CDC42BPA: variants seen among roughly 807,000 people sequenced by gnomAD.
CDC42BPA encodes CDC42 binding protein kinase alpha, also known as serine/threonine-protein kinase MRCK alpha.
In CDC42BPA, 80 loss-of-function variants were observed where a neutral mutation model predicts 223.5. The observed-to-expected ratio is 0.36, with a 90% CI of 0.30 to 0.43. CDC42BPA has a LOEUF of 0.43. CDC42BPA is among the 20% of genes least tolerant of loss of function. CDC42BPA has a pLI of 1.00. For synonymous variants in CDC42BPA, 694 were observed against 718.6 expected (o/e 0.97, Z 0.55); for missense variants, 1,743 against 2,099.9 (o/e 0.83, Z 3.32).
At chr1:227,154,483 T>C (rs1297489349) in intron 6 of CDC42BPA, among the ~76,000 whole-genome samples, 2 of 151,960 alleles carry the variant, frequency 1.3e-5, no homozygotes, top group East Asian at 1.9e-4. Context: ...TCTAGAAGAA[T>C]CTATAAACTA....
At chr1:227,219,480 T>C (rs1329904067) in intron 2 of CDC42BPA, 2 of 152,232 alleles carry the variant, frequency 1.3e-5, no homozygotes, top group Non-Finnish European at 2.9e-5. Flanking sequence ...AATTGAGTTG[T>C]AGAGAGAAGG....
intron 1 of CDC42BPA, among the ~76,000 whole-genome samples, chr1:227,254,730 A>T (rs1682757633): frequency 1.3e-5 from 2 of 152,348 alleles, no homozygotes; most frequent in East Asian, 3.9e-4. Flanking sequence ...ATATATGCAG[A>T]CACAAAATTT....
chr1:227,277,438 C>A (rs1481621235), intron 1 of CDC42BPA, among the ~76,000 whole-genome samples: 1 of 152,154 alleles, frequency 6.6e-6, no homozygotes, highest in African/African-American at 2.4e-5. Context: ...TTAAAACTTA[C>A]AAGGACAGTA....
intron 1 of CDC42BPA, among the ~76,000 whole-genome samples, chr1:227,290,828 T>C (rs1689568992): frequency 6.6e-6 from 1 of 152,164 alleles, no homozygotes; most frequent in Non-Finnish European, 1.5e-5. Context: ...AAGGTGTTAG[T>C]TACAGGTGGT....
At chr1:227,239,435 A>G (rs1679649539) in intron 2 of CDC42BPA, among the ~76,000 whole-genome samples, 1 of 152,182 alleles carries the variant, frequency 6.6e-6, no homozygotes, top group Non-Finnish European at 1.5e-5. Flanking sequence ...TAATAATAAT[A>G]TGTCAATGTA....
At chr1:227,202,050 C>G (rs1278640580) in intron 3 of CDC42BPA, among the ~76,000 whole-genome samples, 1 of 152,174 alleles carries the variant, frequency 6.6e-6, no homozygotes, top group East Asian at 1.9e-4. Context: ...GTGGCGTGAT[C>G]TCAGCTCACT....
intron 4 of CDC42BPA, among the ~76,000 whole-genome samples, chr1:227,196,617 G>A (rs1670799244): frequency 6.6e-6 from 1 of 152,000 alleles, no homozygotes; most frequent in South Asian, 2.1e-4. Context: ...GGGATTACAG[G>A]CATGAGCCAC....
chr1:227,269,593 T>C (rs947984806), intron 1 of CDC42BPA, among the ~76,000 whole-genome samples: 11 of 152,064 alleles, frequency 7.2e-5, no homozygotes, highest in Non-Finnish European at 1.3e-4. Flanking sequence ...TAAAACAACA[T>C]TGGAAAAATA....
chr1:227,230,426 T>C (rs917313917), intron 2 of CDC42BPA, among the ~76,000 whole-genome samples: 2 of 152,242 alleles, frequency 1.3e-5, no homozygotes, highest in Non-Finnish European at 2.9e-5. Flanking sequence ...TAGGGAGAAC[T>C]GATATCGTTA....
chr1:227,062,863 C>T (rs1003806160), intron 21 of CDC42BPA, among the ~76,000 whole-genome samples: 1 of 151,272 alleles, frequency 6.6e-6, no homozygotes, highest in African/African-American at 2.4e-5. Flanking sequence ...GCTATCTCTA[C>T]TTCTAGACTA....
intron 17 of CDC42BPA, among the ~76,000 whole-genome samples, chr1:227,078,708 C>A (rs1389437408): frequency 6.6e-6 from 1 of 152,092 alleles, no homozygotes; most frequent in African/African-American, 2.4e-5. Flanking sequence ...GTTTTATATA[C>A]TGCAGTGTTT....
At chr1:227,291,932 T>C (rs940018746) in intron 1 of CDC42BPA, among the ~76,000 whole-genome samples, 3 of 152,208 alleles carry the variant, frequency 2.0e-5, no homozygotes, top group Non-Finnish European at 2.9e-5. Context: ...AAAATTCAAG[T>C]TCATTTTAAA....
chr1:227,013,025 T>G (rs2148459081), intron 34 of CDC42BPA, among the ~76,000 whole-genome samples: 1 of 152,198 alleles, frequency 6.6e-6, no homozygotes, highest in Admixed American at 6.5e-5. Context: ...GACAATAAAA[T>G]CTGGTTGTGA....
rs1801783 is a variant in CDC42BPA at position 226,993,157 on chromosome 1, T to C, written c.*1111A>G. 30,113 of 152,252 alleles carry C rather than the reference T, an allele frequency of 0.2. 3,682 individuals carry two copies. Among genetic ancestry groups the C allele is most frequent in the Non-Finnish European group, 0.28 (19,342 of 67,992 alleles). 9.4% of individuals were successfully genotyped at this position (152,252 alleles called of 1,614,324 possible). A position where few individuals can be genotyped will look rare whatever the true frequency, so the allele number is the denominator to read the frequency against. ...CAGCCCTGGGACAGACACCTCGCTG[T>C]GACTTAGGGAGGGACAGGATTAGCC... On this transcript the variant is annotated 3_prime_UTR_variant, in exon 37 of 37. Coordinates refer to ENST00000366766, the MANE Select transcript of CDC42BPA (RefSeq NM_001394014.1).
chr1:227,141,985 A>C (rs912604935), intron 9 of CDC42BPA, among the ~76,000 whole-genome samples: 5 of 152,146 alleles, frequency 3.3e-5, no homozygotes, highest in African/African-American at 9.7e-5. Flanking sequence ...AAAAAAAAAG[A>C]AAGTAAAAAA....
At chr1:227,106,347 A>G (rs1685923416) in intron 14 of CDC42BPA, among the ~76,000 whole-genome samples, 1 of 152,142 alleles carries the variant, frequency 6.6e-6, no homozygotes, top group African/African-American at 2.4e-5. Context: ...AATTGTTATC[A>G]CATATATGAT....
intron 10 of CDC42BPA, among the ~76,000 whole-genome samples, chr1:227,137,437 T>C (rs1658807709): frequency 6.6e-6 from 1 of 152,130 alleles, no homozygotes; most frequent in Non-Finnish European, 1.5e-5. Flanking sequence ...ATAGTCACTT[T>C]AGAAAACTCT....
At chr1:227,109,738 A>G (rs1015013709) in intron 14 of CDC42BPA, among the ~76,000 whole-genome samples, 5 of 151,740 alleles carry the variant, frequency 3.3e-5, no homozygotes, top group Admixed American at 6.6e-5. Flanking sequence ...CTTTTGAAAC[A>G]TTTTTGTTAA....
At chr1:227,165,742 A>C (rs1368478432) in intron 5 of CDC42BPA, among the ~76,000 whole-genome samples, 1 of 152,194 alleles carries the variant, frequency 6.6e-6, no homozygotes, top group Non-Finnish European at 1.5e-5. Flanking sequence ...CAAAATTCGC[A>C]AATCTAGAAA....
Sources: gnomAD v4.1 joint callset for allele counts (sites outside exome capture counted in the v4.1 genomes callset) on GRCh38, gnomAD v4.1.1 for gene constraint, MANE v1.5 for transcripts, NCBI Gene and HGNC (gene_info 2026-07-23, HGNC 2026-07-21) for gene names.